N4BP2: variants seen among roughly 807,000 people sequenced by gnomAD.
The protein encoded by N4BP2 is NEDD4-binding protein 2.
Under a neutral mutation model 152.8 loss-of-function variants are expected in N4BP2, and 91 were observed. The observed-to-expected ratio is 0.60, with a 90% CI of 0.50 to 0.71. The LOEUF (loss-of-function observed/expected upper bound fraction) is 0.71, where lower values mean the gene tolerates loss of function less well. Ranked by LOEUF, N4BP2 falls within the 30% of genes least tolerant of loss-of-function variation. The pLI is 0.00. For synonymous variants in N4BP2, 646 were observed against 705.3 expected, an observed-to-expected ratio of 0.92 and a Z score of 1.33; for missense variants, 1,923 against 2,059.1, an observed-to-expected ratio of 0.93 and a Z score of 1.28.
the N4BP2 span, among the ~76,000 whole-genome samples, chr4:40,180,767 A>G: frequency 1.3e-5 from 2 of 152,358 alleles, no homozygotes; most frequent in East Asian, 1.9e-4. Context: ...TCTATTTTCC[A>G]GACTTCTTGT....
At chr4:40,110,780 C>T (rs531719392) in intron 5 of N4BP2, among the ~76,000 whole-genome samples, 6 of 152,168 alleles carry the variant, frequency 3.9e-5, no homozygotes, top group African/African-American at 9.6e-5. Context: ...TCAGGTGATC[C>T]GCCCGCCTCA....
At chr4:40,080,295 G>A (rs926564437) in intron 2 of N4BP2, among the ~76,000 whole-genome samples, 2 of 148,748 alleles carry the variant, frequency 1.3e-5, no homozygotes, top group African/African-American at 4.9e-5. Flanking sequence ...AGGTGATTGG[G>A]AGATAGTGTG....
chr4:40,131,786 A>G lies in N4BP2; in HGVS notation c.4528-15A>G. The G allele has an allele frequency of 6.4e-7, 1 of 1,567,758 alleles. No individual in the cohort carries two copies. Among genetic ancestry groups the G allele is most frequent in the South Asian group, 1.1e-5 (1 of 89,496 alleles). On this transcript the variant is annotated splice_polypyrimidine_tract_variant and intron_variant, in intron 12 of 17. Coordinates refer to ENST00000261435, the MANE Select transcript of N4BP2 (RefSeq NM_018177.6). The stretch of plus-strand genomic sequence containing the variant: ...ACATTTCATCTTGAACATGATTTTT[A>G]TGTTTTTGTTTTAGAAAAGGGAGAC...
intron 1 of N4BP2, among the ~76,000 whole-genome samples, chr4:40,064,221 A>G (rs563737890): frequency 2.2e-4 from 34 of 152,348 alleles, no homozygotes; most frequent in African/African-American, 6.5e-4. Flanking sequence ...GGTAAGTCCA[A>G]CATTTTAAAG....
chr4:40,159,545 CAAAG>C (rs1721799165), downstream of N4BP2, among the ~76,000 whole-genome samples: 2 of 151,948 alleles, frequency 1.3e-5, no homozygotes, highest in African/African-American at 4.8e-5. Flanking sequence ...GGAGGAAAGA[CAAAG>C]AAAAAGGGAG....
chr4:40,186,342 G>A, the N4BP2 span, among the ~76,000 whole-genome samples: 1 of 142,932 alleles, frequency 7.0e-6, no homozygotes, highest in African/African-American at 2.6e-5. Flanking sequence ...GGTTTATAGA[G>A]AAAACTTAGG....
intron 10 of N4BP2, among the ~76,000 whole-genome samples, chr4:40,123,956 A>G (rs1718163645): frequency 6.6e-6 from 1 of 151,924 alleles, no homozygotes; most frequent in African/African-American, 2.4e-5. Context: ...TATTTTTACC[A>G]TTCTAGAAGT....
the N4BP2 span, chr4:40,167,804 C>T: frequency 0.77 from 116,446 of 152,126 alleles, 44,928 homozygotes; most frequent in African/African-American, 0.85. Flanking sequence ...GTGTACTATA[C>T]GTGTTAAATA....
intron 14 of N4BP2, among the ~76,000 whole-genome samples, chr4:40,139,765 A>G (rs1441799646): frequency 1.6e-4 from 23 of 146,326 alleles, no homozygotes; most frequent in Non-Finnish European, 4.5e-5. Flanking sequence ...TGCTGGGATT[A>G]CAGGCGTGAG....
chr4:40,088,054 G>A (rs946386745), intron 2 of N4BP2, among the ~76,000 whole-genome samples: 11 of 152,094 alleles, frequency 7.2e-5, no homozygotes, highest in Non-Finnish European at 7.3e-5. Flanking sequence ...CACCACGCCC[G>A]GCTACGACTG....
the N4BP2 span, among the ~76,000 whole-genome samples, chr4:40,163,301 C>T: frequency 0.035 from 5,356 of 152,212 alleles, 289 homozygotes; most frequent in African/African-American, 0.12. Context: ...CCCACATGGC[C>T]GACATTGTTG....
intron 16 of N4BP2, among the ~76,000 whole-genome samples, chr4:40,145,881 G>A (rs1362081431): frequency 6.6e-6 from 1 of 152,062 alleles, no homozygotes; most frequent in Non-Finnish European, 1.5e-5. Flanking sequence ...TACAAGTTGT[G>A]GCCGGGTGCG....
the N4BP2 span, among the ~76,000 whole-genome samples, chr4:40,186,262 C>T: frequency 7.3e-6 from 1 of 137,696 alleles, no homozygotes; most frequent in Non-Finnish European, 1.6e-5. Context: ...CAGTGATTCT[C>T]CCCTGAGAAT....
At chr4:40,142,039 G>T (rs932458394) in intron 14 of N4BP2, among the ~76,000 whole-genome samples, 9 of 150,828 alleles carry the variant, frequency 6.0e-5, no homozygotes, top group African/African-American at 1.5e-4. Flanking sequence ...ATGGCAGCAG[G>T]ACAGTCCAGC....
At chr4:40,080,882 G>A (rs1394632252) in intron 2 of N4BP2, among the ~76,000 whole-genome samples, 2 of 147,662 alleles carry the variant, frequency 1.4e-5, no homozygotes, top group African/African-American at 5.0e-5. Context: ...TAGCCAGGAT[G>A]GTCTCGATCT....
chr4:40,111,495 A>T (rs2664203), intron 5 of N4BP2, among the ~76,000 whole-genome samples: 8,160 of 152,042 alleles, frequency 0.054, 689 homozygotes, highest in East Asian at 0.42. Context: ...TAATTTTTGT[A>T]TTTTTAGTGG....
intron 13 of N4BP2, among the ~76,000 whole-genome samples, chr4:40,135,768 T>C (rs563259702): frequency 6.6e-6 from 1 of 152,238 alleles, no homozygotes; most frequent in East Asian, 1.9e-4. Context: ...GGTTTCACCA[T>C]GTTGGCCAGG....
intron 12 of N4BP2, 30 bp downstream of exon 12, chr4:40,126,360 GTC>G (rs773900705): frequency 2.1e-4 from 240 of 1,124,562 alleles, no homozygotes; most frequent in Non-Finnish European, 2.9e-4. Context: ...TTAAGCTACT[GTC>G]TCTGATTCTG....
At chr4:40,146,831 C>T (rs762924357) in intron 16 of N4BP2, among the ~76,000 whole-genome samples, 39 of 148,360 alleles carry the variant, frequency 2.6e-4, no homozygotes, top group African/African-American at 9.1e-4. Context: ...ATTCTGGCCC[C>T]TGGCAACTAC....
Sources: allele counts gnomAD v4.1 joint callset (sites outside exome capture counted in the v4.1 genomes callset), GRCh38; gene constraint gnomAD v4.1.1; transcripts MANE v1.5; gene names NCBI Gene and HGNC (gene_info 2026-07-23, HGNC 2026-07-21).